The following DIS3L2 variants were observed in gnomAD, a reference collection of about 807,000 sequenced individuals.
DIS3L2 encodes DIS3-like exonuclease 2.
Under a neutral mutation model 97.5 loss-of-function variants are expected in DIS3L2, and 34 were observed. The ratio of observed to expected loss-of-function variants is 0.35; its 90% CI spans 0.27 to 0.46. The LOEUF is 0.46. Ranked by LOEUF, DIS3L2 falls within the 20% of genes least tolerant of loss-of-function variation. DIS3L2 has a pLI of 1.00. For synonymous variants in DIS3L2, 435 were observed against 445.2 expected (o/e 0.98, Z 0.29); for missense variants, 1,038 against 1,146.0 (o/e 0.91, Z 1.36).
At chr2:232,075,171 C>T (rs1353737261) in intron 5 of DIS3L2, among the ~76,000 whole-genome samples, 1 of 152,080 alleles carries the variant, frequency 6.6e-6, no homozygotes, top group Admixed American at 6.5e-5. Context: ...GAGTCCTAGA[C>T]CTGTAGGCAC....
intron 5 of DIS3L2, among the ~76,000 whole-genome samples, chr2:232,072,783 G>GGTGGGTGT (rs1553604921): frequency 1.4e-5 from 2 of 139,906 alleles, no homozygotes; most frequent in East Asian, 2.3e-4. Flanking sequence ...TGGGATGTGG[G>GGTGGGTGT]GTGTGTGTGT....
chr2:232,010,078 C>T (rs1694154056), intron 1 of DIS3L2, among the ~76,000 whole-genome samples: 1 of 152,186 alleles, frequency 6.6e-6, no homozygotes, highest in Non-Finnish European at 1.5e-5. Flanking sequence ...GCTAAAACAC[C>T]ACACTCTTCA....
At chr2:232,333,342 C>G (rs961583736) in intron 16 of DIS3L2, among the ~76,000 whole-genome samples, 2 of 138,618 alleles carry the variant, frequency 1.4e-5, no homozygotes, top group Non-Finnish European at 3.1e-5. Context: ...CGCTACCTTT[C>G]TTTCTTCTTC....
At chr2:232,183,238 A>G (rs1412765462) in intron 9 of DIS3L2, among the ~76,000 whole-genome samples, 1 of 152,198 alleles carries the variant, frequency 6.6e-6, no homozygotes, top group Non-Finnish European at 1.5e-5. Context: ...GTTATAAGCT[A>G]CCCAATTTAT....
intron 1 of DIS3L2, among the ~76,000 whole-genome samples, chr2:232,000,710 T>C (rs1168357240): frequency 6.9e-6 from 1 of 145,410 alleles, no homozygotes; most frequent in African/African-American, 2.5e-5. Context: ...CTTTCCTTCT[T>C]TCTTTCTTCT....
intron 13 of DIS3L2, among the ~76,000 whole-genome samples, chr2:232,272,208 A>G (rs1574985732): frequency 6.6e-6 from 1 of 152,364 alleles, no homozygotes; most frequent in Non-Finnish European, 1.5e-5. Flanking sequence ...TGTTAAAAAT[A>G]CAGACTCAGA....
At chr2:232,210,224 A>G (rs1692149115) in intron 9 of DIS3L2, 102 bp from the exon 10 acceptor site, 3 of 882,614 alleles carry the variant, frequency 3.4e-6, no homozygotes, top group Non-Finnish European at 5.7e-6. Flanking sequence ...TTTCCCTAAC[A>G]GAGCACATAT....
At chr2:232,228,060 C>T (rs1211189798) in intron 10 of DIS3L2, among the ~76,000 whole-genome samples, 1 of 151,988 alleles carries the variant, frequency 6.6e-6, no homozygotes, top group Non-Finnish European at 1.5e-5. Context: ...CTCCGCCTCC[C>T]GGTTCAAGCG....
chr2:231,988,203 G>A (rs1314385146), intron 1 of DIS3L2, among the ~76,000 whole-genome samples: 3 of 152,182 alleles, frequency 2.0e-5, no homozygotes, highest in Non-Finnish European at 4.4e-5. Context: ...TTAAGTTCAT[G>A]GTGATGGTCC....
chr2:232,133,043 A>G (rs1230294608), intron 7 of DIS3L2, among the ~76,000 whole-genome samples: 1 of 152,206 alleles, frequency 6.6e-6, no homozygotes, highest in African/African-American at 2.4e-5. Flanking sequence ...AGATCTGGTC[A>G]TAATGGGTGT....
chr2:232,225,248 A>G (rs1387971177), intron 10 of DIS3L2, among the ~76,000 whole-genome samples: 1 of 152,138 alleles, frequency 6.6e-6, no homozygotes, highest in South Asian at 2.1e-4. Context: ...TTAAGTATAT[A>G]CCCCATAGAA....
At chr2:232,101,007 G>C (rs1697188238) in intron 6 of DIS3L2, among the ~76,000 whole-genome samples, 1 of 152,032 alleles carries the variant, frequency 6.6e-6, no homozygotes, top group Non-Finnish European at 1.5e-5. Flanking sequence ...AGGCCGAGGT[G>C]GGCGGATCAG....
At chr2:231,962,110 G>A (rs946862072) in intron 1 of DIS3L2, among the ~76,000 whole-genome samples, 1 of 152,220 alleles carries the variant, frequency 6.6e-6, no homozygotes, top group African/African-American at 2.4e-5. Flanking sequence ...CCGAGGCTCG[G>A]GTCACCTGTG....
At chr2:232,343,163 A>C (rs978665768) in intron 13 of DIS3L2, 15 of 637,674 alleles carry the variant, frequency 2.4e-5, no homozygotes, top group African/African-American at 1.3e-4. Flanking sequence ...ATCAAAGCAG[A>C]CTGTTGACTA....
intron 16 of DIS3L2, 74 bp from the exon 17 acceptor site, chr2:232,333,766 T>G: frequency 1.4e-6 from 2 of 1,398,064 alleles, no homozygotes; most frequent in Non-Finnish European, 9.4e-7. Flanking sequence ...GGTGAGGCTG[T>G]GGGTGGTGCC....
chr2:232,211,147 C>T (rs920961679), intron 10 of DIS3L2, among the ~76,000 whole-genome samples: 2 of 151,568 alleles, frequency 1.3e-5, no homozygotes, highest in African/African-American at 4.9e-5. Context: ...CCCTCCCTTC[C>T]CCTCCCCTCC....
chr2:232,329,786 C>CCCGGGGGGGA, intron 14 of DIS3L2, 27 bp from the exon 15 acceptor site: 4 of 430,234 alleles, frequency 9.3e-6, no homozygotes, highest in Non-Finnish European at 1.3e-5. Context: ...CCCCAGCGGT[C>CCCGGGGGGGA]CCTCCCATCC....
chr2:232,283,965 G>A (rs1323127971), intron 13 of DIS3L2, among the ~76,000 whole-genome samples: 1 of 152,168 alleles, frequency 6.6e-6, no homozygotes, highest in Non-Finnish European at 1.5e-5. Context: ...ATGTAAGATG[G>A]AACCTTGGGT....
intron 8 of DIS3L2, among the ~76,000 whole-genome samples, chr2:232,158,008 A>G (rs1265654641): frequency 6.6e-6 from 1 of 152,104 alleles, no homozygotes; most frequent in African/African-American, 2.4e-5. Context: ...TCTTTTCCCT[A>G]GATGCCCTTG....
Sources: gnomAD v4.1 joint callset for allele counts (sites outside exome capture counted in the v4.1 genomes callset) on GRCh38, gnomAD v4.1.1 for gene constraint, MANE v1.5 for transcripts, NCBI Gene and HGNC (gene_info 2026-07-23, HGNC 2026-07-21) for gene names.